The following MDM4 variants were observed in gnomAD, a reference collection of about 807,000 sequenced individuals.
MDM4 encodes protein Mdm4.
A neutral mutation model predicts 60.2 loss-of-function variants in MDM4; 2 were observed. The observed-to-expected ratio is 0.03, with a 90% CI of 0.01 to 0.10. MDM4 has a LOEUF of 0.10. MDM4 is among the 10% of genes least tolerant of loss of function. MDM4 has a pLI of 1.00. For synonymous variants in MDM4, 202 were observed against 198.1 expected (o/e 1.02, Z -0.17); for missense variants, 447 against 577.5 (o/e 0.77, Z 2.32).
chr1:204,517,515 T>A lies in MDM4; in HGVS notation c.-36+1006T>A, dbSNP rs562973186. Among the ~76,000 whole-genome samples, 15 of 151,998 alleles carry A rather than the reference T, an allele frequency of 9.9e-5. No individual in the cohort carries two copies. In the South Asian group the frequency reaches 2.9e-3, roughly 30 times the overall value. On this transcript the variant is annotated intron_variant, in intron 1 of 10. Coordinates refer to ENST00000367182, the MANE Select transcript of MDM4 (RefSeq NM_002393.5). ...GCCTCACGGGTTCAAGTGATTCTTC[T>A]GCCTCAGCCTCCCGGGTCGCTGGGA...
chr1:204,537,021 A>C, intron 5 of MDM4: 1 of 275,338 alleles, frequency 3.6e-6, no homozygotes, highest in Non-Finnish European at 7.2e-6. Flanking sequence ...TGAAAGTTGA[A>C]ATTAAATGTA....
chr1:204,523,327 C>T (rs775610110), intron 1 of MDM4, among the ~76,000 whole-genome samples: 10 of 149,028 alleles, frequency 6.7e-5, no homozygotes, highest in South Asian at 2.1e-4. Flanking sequence ...ATTAGCTGGG[C>T]GTGGTGGTGG....
chr1:204,542,660 C>T (rs1353772450), intron 7 of MDM4, 124 bp from the exon 8 acceptor site: 1 of 711,620 alleles, frequency 1.4e-6, no homozygotes, highest in Non-Finnish European at 2.2e-6. Flanking sequence ...ATTTCTGGTT[C>T]TTTCTTTCTT....
chr1:204,527,370 T>C (rs1374676656), intron 3 of MDM4, among the ~76,000 whole-genome samples: 1 of 152,124 alleles, frequency 6.6e-6, no homozygotes, highest in Non-Finnish European at 1.5e-5. Flanking sequence ...TTATTATAAA[T>C]GTGTCAGATA....
At position 204,553,470 on chromosome 1, in the gene MDM4, A is replaced by G. The variant is rs1315895026; in HGVS notation, c.*3788A>G. Reference sequence around the variant, plus strand: ...AACCTCTTCATTTGGATGTTAAATTATATGGTCACCTAGTTATAGGTAAGC... The same window carrying G: ...AACCTCTTCATTTGGATGTTAAATTGTATGGTCACCTAGTTATAGGTAAGC... On this transcript the variant is annotated 3_prime_UTR_variant, in exon 11 of 11. Coordinates refer to ENST00000367182, the MANE Select transcript of MDM4 (RefSeq NM_002393.5). The G allele has an allele frequency of 8.9e-6, 2 of 225,942 alleles. No homozygotes were observed. Among genetic ancestry groups the G allele is most frequent in the Non-Finnish European group, 1.8e-5 (2 of 113,456 alleles). The allele number at this position is 225,942 out of a possible 1,614,324, so 14.0% of individuals were successfully genotyped here. A position where few individuals can be genotyped will look rare whatever the true frequency, so the allele number is the denominator to read the frequency against.
chr1:204,529,851 A>G (rs568673846), intron 3 of MDM4, among the ~76,000 whole-genome samples: 128 of 152,250 alleles, frequency 8.4e-4, no homozygotes, highest in Middle Eastern at 6.8e-3. Flanking sequence ...GACTCTATCT[A>G]TTGCATAAAG....
rs1663416496 is a variant in MDM4 at position 204,554,409 on chromosome 1, C to G, written c.*4727C>G. 4.4e-6 allele frequency: 1 copy of G among 226,132 alleles called. No homozygotes were observed. Among genetic ancestry groups the G allele is most frequent in the African/African-American group, 2.2e-5 (1 of 44,942 alleles). 14.0% of individuals were successfully genotyped at this position (226,132 alleles called of 1,614,324 possible). ...TCCCAGTCATGAGTGTGCATGTGTGCAAGCATGTTTTGATCCTGATGCTAC... is the reference window on the plus strand; with the variant it reads ...TCCCAGTCATGAGTGTGCATGTGTGGAAGCATGTTTTGATCCTGATGCTAC... On this transcript the variant is annotated 3_prime_UTR_variant, in exon 11 of 11. Coordinates refer to ENST00000367182, the MANE Select transcript of MDM4 (RefSeq NM_002393.5).
intron 3 of MDM4, among the ~76,000 whole-genome samples, 170 bp from the exon 4 acceptor site, chr1:204,530,512 CCT>C (rs1660757269): frequency 6.6e-6 from 1 of 152,114 alleles, no homozygotes; most frequent in South Asian, 2.1e-4. Context: ...AGTAGATGGA[CCT>C]AGTAGTTGGG....
intron 1 of MDM4, among the ~76,000 whole-genome samples, chr1:204,520,642 T>G (rs534641138): frequency 6.6e-6 from 1 of 152,064 alleles, no homozygotes; most frequent in African/African-American, 2.4e-5. Context: ...CCCAACACTT[T>G]CGTTGAGAGA....
intron 2 of MDM4, among the ~76,000 whole-genome samples, chr1:204,526,151 G>T (rs1660117685): frequency 6.6e-6 from 1 of 152,000 alleles, no homozygotes; most frequent in Non-Finnish European, 1.5e-5. Flanking sequence ...AGCTACTCTG[G>T]AGGCTGAAGT....
At chr1:204,517,319 AAT>A (rs921522040) in intron 1 of MDM4, among the ~76,000 whole-genome samples, 31 of 152,284 alleles carry the variant, frequency 2.0e-4, no homozygotes, top group Middle Eastern at 3.4e-3. Context: ...GGCTCAGAGA[AAT>A]ATATTTTAAT....
chr1:204,522,111 CACTTGAGCCCAGGAGTTTGAG>C (rs1168450235), intron 1 of MDM4, among the ~76,000 whole-genome samples: 40 of 152,138 alleles, frequency 2.6e-4, no homozygotes, highest in Admixed American at 5.9e-4. Context: ...GCAGGAGGAT[CACTTGAGCCCAGGAGTTTGAG>C]ACCAGCCTGG....
chr1:204,527,129 TAAA>T (rs71568035), intron 3 of MDM4, among the ~76,000 whole-genome samples: 382 of 141,960 alleles, frequency 2.7e-3, no homozygotes, highest in Middle Eastern at 3.6e-3. Context: ...ACCCTGTCTC[TAAA>T]AAAAAAAAAA....
rs1416340804 is a variant in MDM4 at position 204,541,787 on chromosome 1, C to T, written c.512-997C>T. Among the ~76,000 whole-genome samples, 4 of 152,144 alleles carry T rather than the reference C, an allele frequency of 2.6e-5. No individual in the cohort carries two copies. The East Asian group carries it at 5.8e-4, about 22-fold the overall frequency. ...CCTGGCCACAGATAAGCCTTTTAGTCAGCAATATTGACATAATTTATAAGT... is the reference window on the plus strand; with the variant it reads ...CCTGGCCACAGATAAGCCTTTTAGTTAGCAATATTGACATAATTTATAAGT... On this transcript the variant is annotated intron_variant, in intron 7 of 10. Transcript: ENST00000367182.
chr1:204,518,232 A>G (rs1162477901), intron 1 of MDM4, among the ~76,000 whole-genome samples: 1 of 152,196 alleles, frequency 6.6e-6, no homozygotes, highest in Non-Finnish European at 1.5e-5. Context: ...ATTGCACACT[A>G]CAGCCTGAAA....
At chr1:204,544,731 G>A (rs1373244269) in intron 9 of MDM4, 47 bp downstream of exon 9, 2 of 1,550,592 alleles carry the variant, frequency 1.3e-6, no homozygotes, top group Admixed American at 3.5e-5. Context: ...TGTGCTCATA[G>A]TATCATCTGT....
chr1:204,522,118 G>A lies in MDM4; in HGVS notation c.-35-3366G>A, dbSNP rs539638576. On this transcript the variant is annotated intron_variant, in intron 1 of 10. Transcript: ENST00000367182. ...AGGCTGAAGCAGGAGGATCACTTGA[G>A]CCCAGGAGTTTGAGACCAGCCTGGG... Among the ~76,000 whole-genome samples, 15 of 152,110 alleles carry A rather than the reference G, an allele frequency of 9.9e-5. No individual in the cohort carries two copies. In the East Asian group the frequency reaches 1.6e-3, roughly 16 times the overall value.
chr1:204,527,708 TTAAA>T (rs1660356919), intron 3 of MDM4, among the ~76,000 whole-genome samples: 1 of 151,252 alleles, frequency 6.6e-6, no homozygotes, highest in Admixed American at 6.6e-5. Context: ...ACACATGCAT[TTAAA>T]TAACTTATTT....
In MDM4 at chr1:204,552,942, C is replaced by G. The variant is rs572105201; in HGVS notation, c.*3260C>G. 479 of 158,428 alleles carry G rather than the reference C, an allele frequency of 3.0e-3. 1 individual carries two copies. Among genetic ancestry groups the G allele is most frequent in the Non-Finnish European group, 5.0e-3 (373 of 74,304 alleles). The allele number at this position is 158,428 out of a possible 1,614,324, so 9.8% of individuals were successfully genotyped here. On this transcript the variant is annotated 3_prime_UTR_variant, in exon 11 of 11. Coordinates refer to ENST00000367182, the MANE Select transcript of MDM4 (RefSeq NM_002393.5). ...CCAGGCTGGAGTGCAGTGGAGTGAT[C>G]TCGGCTCACTGCAACCTCTGCCTCC...
Sources: allele counts gnomAD v4.1 joint callset (sites outside exome capture counted in the v4.1 genomes callset), GRCh38; gene constraint gnomAD v4.1.1; transcripts MANE v1.5; gene names NCBI Gene and HGNC (gene_info 2026-07-23, HGNC 2026-07-21).